The following MBTD1 variants were observed in gnomAD, a reference collection of about 807,000 sequenced individuals.
MBTD1 encodes the protein mbt domain containing 1, also known as MBT domain-containing protein 1.
MBTD1 carries 24 observed loss-of-function variants against 87.8 expected under a neutral mutation model. The ratio of observed to expected loss-of-function variants is 0.27; its 90% CI spans 0.20 to 0.38. The LOEUF is 0.38. Among genes scored for constraint, MBTD1 ranks in the 10% least tolerant of loss-of-function variants. MBTD1 has a pLI of 1.00. For synonymous variants in MBTD1, 237 were observed against 248.6 expected, an observed-to-expected ratio of 0.95 and a Z score of 0.44; for missense variants, 436 against 760.2, an observed-to-expected ratio of 0.57 and a Z score of 5.02.
At chr17:51,257,719 C>A (rs2055174036) in intron 2 of MBTD1, among the ~76,000 whole-genome samples, 1 of 152,058 alleles carries the variant, frequency 6.6e-6, no homozygotes, top group Admixed American at 6.6e-5. Context: ...AGGAAAAAAA[C>A]TTGGAACTCC....
rs2055372392 is a variant in MBTD1, at chr17:51,259,923, C to A, written c.-201G>T. ...CGGCGCCCCCTCCCCGGGCTGGGGGCAGGTGCCTCTCCCCGGGACTGCGGC... is the reference window on the plus strand; with the variant it reads ...CGGCGCCCCCTCCCCGGGCTGGGGGAAGGTGCCTCTCCCCGGGACTGCGGC... On this transcript the variant is annotated 5_prime_UTR_variant, in exon 1 of 17. Coordinates refer to ENST00000586178, the MANE Select transcript of MBTD1 (RefSeq NM_017643.3). 8.2e-7 allele frequency: 1 copy of A among 1,222,342 alleles called. No individual in the cohort carries two copies. The highest frequency in any genetic ancestry group is 1.0e-6 in the Non-Finnish European group (1 of 979,070). 75.7% of individuals were successfully genotyped at this position (1,222,342 alleles called of 1,614,324 possible).
At chr17:51,227,242 C>CAAAAAAAAA (rs71149355) in intron 2 of MBTD1, among the ~76,000 whole-genome samples, 1 of 115,606 alleles carries the variant, frequency 8.7e-6, no homozygotes, top group Admixed American at 9.2e-5. Context: ...ACTCTGTCTC[C>CAAAAAAAAA]AAAAAAAAAA....
At chr17:51,202,656 G>A (rs2051558457) in intron 10 of MBTD1, 45 bp downstream of exon 10, 1 of 1,378,376 alleles carries the variant, frequency 7.3e-7, no homozygotes, top group South Asian at 1.2e-5. Flanking sequence ...AGTATAATCA[G>A]CCTCAATGAT....
chr17:51,178,088 C>T lies in MBTD1; in HGVS notation c.*2488G>A, dbSNP rs1160305916. ...AACTACCAAAAGTCCCCAAATAAAT[C>T]CTAACAGGAAAAACAAAACAAAACA... On this transcript the variant is annotated 3_prime_UTR_variant, in exon 17 of 17. Transcript: ENST00000586178. The T allele has an allele frequency of 6.6e-6, 1 of 152,116 alleles. No individual in the cohort carries two copies. Among genetic ancestry groups the T allele is most frequent in the Non-Finnish European group, 1.5e-5 (1 of 68,014 alleles). 9.4% of individuals were successfully genotyped at this position (152,116 alleles called of 1,614,324 possible). A position where few individuals can be genotyped will look rare whatever the true frequency, so the allele number is the denominator to read the frequency against.
At chr17:51,205,421 T>C (rs1033758733) in intron 7 of MBTD1, among the ~76,000 whole-genome samples, 1 of 152,212 alleles carries the variant, frequency 6.6e-6, no homozygotes, top group African/African-American at 2.4e-5. Context: ...TAAGAGCTAT[T>C]TAAATGTAAC....
At chr17:51,214,512 AATATC>A (rs1168300317) in intron 6 of MBTD1, among the ~76,000 whole-genome samples, 1 of 152,180 alleles carries the variant, frequency 6.6e-6, no homozygotes, top group Non-Finnish European at 1.5e-5. Flanking sequence ...TAATCACAGT[AATATC>A]TAAGTGCTGG....
rs2050211823 is a variant in MBTD1, at chr17:51,179,494, A to ATATATATATTTT, written c.*1081_*1082insAAAATATATATA. On this transcript the variant is annotated 3_prime_UTR_variant, in exon 17 of 17. Transcript: ENST00000586178. ...CAATTAAAGACAATTTTATATATAT[A>ATATATATATTTT]TATATATATATATATATATATATAT... 4 of 41,462 alleles carry ATATATATATTTT rather than the reference A, an allele frequency of 9.6e-5. No individual in the cohort carries two copies. Among genetic ancestry groups the ATATATATATTTT allele is most frequent in the Admixed American group, 2.7e-4 (1 of 3,642 alleles). The allele number at this position is 41,462 out of a possible 1,614,324, so 2.6% of individuals were successfully genotyped here. A position where few individuals can be genotyped will look rare whatever the true frequency, so the allele number is the denominator to read the frequency against.
intron 16 of MBTD1, among the ~76,000 whole-genome samples, chr17:51,186,930 T>C (rs530216742): frequency 2.6e-5 from 4 of 152,160 alleles, no homozygotes; most frequent in Non-Finnish European, 5.9e-5. Context: ...ATAGCTCATA[T>C]AAGCCCAAAC....
rs2053157641 is a variant in MBTD1, at chr17:51,225,448, C to T, written c.-48-239G>A. ...GTCACTGCAACCTCCACCTCCCGCACTCAGATGATCCTCCCACCTTGGCCT... is the reference window on the plus strand; with the variant it reads ...GTCACTGCAACCTCCACCTCCCGCATTCAGATGATCCTCCCACCTTGGCCT... On this transcript the variant is annotated intron_variant, in intron 2 of 16. Coordinates refer to ENST00000586178, the MANE Select transcript of MBTD1 (RefSeq NM_017643.3). 2.6e-5 allele frequency among the ~76,000 whole-genome samples: 4 copies of T among 151,728 alleles called. No homozygotes were observed. In the South Asian group the frequency reaches 6.2e-4, roughly 24 times the overall value.
intron 7 of MBTD1, among the ~76,000 whole-genome samples, chr17:51,205,707 C>G (rs1043105076): frequency 2.0e-5 from 3 of 152,172 alleles, no homozygotes; most frequent in South Asian, 2.1e-4. Context: ...TACAATACAT[C>G]TGGCATGTGG....
chr17:51,214,248 T>C (rs2052439605), intron 6 of MBTD1, among the ~76,000 whole-genome samples: 1 of 152,132 alleles, frequency 6.6e-6, no homozygotes, highest in South Asian at 2.1e-4. Flanking sequence ...ATTACAGGTA[T>C]AAACCATTGT....
chr17:51,251,735 T>TAA (rs1480319158), intron 2 of MBTD1: 1 of 152,244 alleles, frequency 6.6e-6, no homozygotes, highest in Non-Finnish European at 1.5e-5. Flanking sequence ...GTTGAACTCT[T>TAA]AAACACATTT....
intron 16 of MBTD1, chr17:51,184,148 T>G (rs542484689): frequency 2.6e-5 from 4 of 152,334 alleles, no homozygotes; most frequent in South Asian, 4.1e-4. Flanking sequence ...TGTGCAATGT[T>G]TTAATGTAAA....
At chr17:51,211,263 T>G (rs561206296) in intron 6 of MBTD1, among the ~76,000 whole-genome samples, 1 of 151,814 alleles carries the variant, frequency 6.6e-6, no homozygotes, top group East Asian at 1.9e-4. Context: ...GAGGCCAAGG[T>G]TGGGGGATTG....
chr17:51,212,028 T>C (rs1417677972), intron 6 of MBTD1, among the ~76,000 whole-genome samples: 1 of 152,136 alleles, frequency 6.6e-6, no homozygotes, highest in Admixed American at 6.6e-5. Context: ...TTAGAGTATG[T>C]CACGTAAGTA....
At chr17:51,223,106 G>A (rs569236269) in intron 3 of MBTD1, among the ~76,000 whole-genome samples, 2 of 151,936 alleles carry the variant, frequency 1.3e-5, no homozygotes, top group South Asian at 2.1e-4. Context: ...ACCTGGCCAC[G>A]CTATTCATCT....
chr17:51,239,040 C>A (rs952661281), intron 2 of MBTD1, among the ~76,000 whole-genome samples: 5 of 151,436 alleles, frequency 3.3e-5, no homozygotes, highest in Admixed American at 6.6e-5. Context: ...GAGGAGGTTG[C>A]AGTGAGCCAA....
chr17:51,203,789 A>G lies in MBTD1; in HGVS notation c.739+2T>C, dbSNP rs768069029. On this transcript the variant is annotated splice_donor_variant, in intron 8 of 16. Coordinates refer to ENST00000586178, the MANE Select transcript of MBTD1 (RefSeq NM_017643.3). LOFTEE classifies it high-confidence loss of function. ...TACGGTAAGGGTAAATAAACTACTT[A>G]CTTCTAGGAGGAACAAGAGGTTTTC... is the stretch of plus-strand genomic sequence containing the variant. The G allele has an allele frequency of 2.5e-6, 4 of 1,605,860 alleles. No individual in the cohort carries two copies. Among genetic ancestry groups the G allele is most frequent in the Admixed American group, 1.8e-5 (1 of 56,596 alleles).
intron 16 of MBTD1, chr17:51,191,970 TTC>T (rs2050838419): frequency 2.0e-6 from 1 of 503,258 alleles, no homozygotes; most frequent in East Asian, 3.6e-5. Context: ...ACAGACTCTA[TTC>T]TTTACCACGT....
Sources: gnomAD v4.1 joint callset for allele counts (sites outside exome capture counted in the v4.1 genomes callset) on GRCh38, gnomAD v4.1.1 for gene constraint, MANE v1.5 for transcripts, NCBI Gene and HGNC (gene_info 2026-07-23, HGNC 2026-07-21) for gene names.